The following TNRC6B variants were observed in gnomAD, a reference collection of about 807,000 sequenced individuals.
TNRC6B encodes the protein trinucleotide repeat-containing gene 6B protein.
Under a neutral mutation model 203.6 loss-of-function variants are expected in TNRC6B, and 52 were observed. The ratio of observed to expected loss-of-function variants is 0.26; its 90% CI spans 0.20 to 0.32. The LOEUF is 0.32. Ranked by LOEUF, TNRC6B falls within the 10% of genes least tolerant of loss-of-function variation. The pLI is 1.00. For synonymous variants in TNRC6B, 838 were observed against 845.7 expected (o/e 0.99, Z 0.16); for missense variants, 1,923 against 2,286.2 (o/e 0.84, Z 3.24).
rs367801567 is a variant in TNRC6B, at chr22:40,242,520, TC to T, written c.6-3492del. 6.4e-4 allele frequency among the ~76,000 whole-genome samples: 98 copies of T among 151,968 alleles called. 1 individual carries two copies. The East Asian group carries it at 0.016, about 25-fold the overall frequency. ...ATTTCGGCCCACCGCAACCTCCGCC[TC>T]CCAGGTTCAAGCGATTGTCCTGCCT... is the stretch of plus-strand genomic sequence containing the variant. On this transcript the variant is annotated intron_variant, in intron 1 of 22. Coordinates refer to ENST00000454349, the MANE Select transcript of TNRC6B (RefSeq NM_001162501.2).
intron 12 of TNRC6B, among the ~76,000 whole-genome samples, chr22:40,295,879 A>G (rs1175077527): frequency 1.3e-5 from 2 of 152,170 alleles, no homozygotes; most frequent in Non-Finnish European, 2.9e-5. Context: ...TGTTTTTTAT[A>G]TTAAGAAGAA....
chr22:40,233,300 C>T (rs1445176270), intron 1 of TNRC6B, among the ~76,000 whole-genome samples: 1 of 140,228 alleles, frequency 7.1e-6, no homozygotes, highest in East Asian at 2.1e-4. Context: ...CCAGCCTGGG[C>T]GACAAAGCAA....
chr22:40,204,679 C>T (rs1415005772), intron 1 of TNRC6B, among the ~76,000 whole-genome samples: 3 of 152,210 alleles, frequency 2.0e-5, no homozygotes, highest in Non-Finnish European at 2.9e-5. Flanking sequence ...CTCCTTGATG[C>T]TCTTCTGTGA....
chr22:40,294,691 A>G (rs745318189), intron 12 of TNRC6B, among the ~76,000 whole-genome samples: 1 of 152,250 alleles, frequency 6.6e-6, no homozygotes, highest in Non-Finnish European at 1.5e-5. Flanking sequence ...CATGGTTTCA[A>G]TAGCACAGAA....
intron 1 of TNRC6B, among the ~76,000 whole-genome samples, chr22:40,083,941 AG>A (rs1331313313): frequency 6.6e-6 from 1 of 152,148 alleles, no homozygotes; most frequent in Non-Finnish European, 1.5e-5. Context: ...AGGGGAGAGT[AG>A]GAGAGCCAGC....
At position 40,262,163 on chromosome 22, in the gene TNRC6B, G is replaced by T; in HGVS notation, c.447G>T (p.Gly149=). Residue 149 remains glycine (G), a synonymous_variant, in exon 4 of 23, where the codon GGG becomes GGT. Transcript: ENST00000454349. ...GAGCGCTGCTGCAGAGTGAGAGTGG[G>T]ACTGCGCCAGGTAAGGCACCCTGTG... is the stretch of plus-strand genomic sequence containing the variant. ...VTGALLQSES[G]TAPDSTLGGA... is the part of the protein sequence containing the mutation. The T allele has an allele frequency of 7.1e-7, 1 of 1,412,628 alleles. No individual in the cohort carries two copies. Among genetic ancestry groups the T allele is most frequent in the Non-Finnish European group, 9.4e-7 (1 of 1,064,974 alleles). The allele number at this position is 1,412,628 out of a possible 1,614,324, so 87.5% of individuals were successfully genotyped here.
intron 1 of TNRC6B, among the ~76,000 whole-genome samples, chr22:40,082,927 A>G (rs113995787): frequency 1.6e-3 from 250 of 152,342 alleles, no homozygotes; most frequent in African/African-American, 5.8e-3. Context: ...TAAGTCCGAG[A>G]TGCTTTGGGG....
intron 1 of TNRC6B, among the ~76,000 whole-genome samples, chr22:40,200,446 C>T (rs1402371341): frequency 6.6e-6 from 1 of 150,830 alleles, no homozygotes; most frequent in Non-Finnish European, 1.5e-5. Flanking sequence ...ACCCCCACGC[C>T]CAGCTAATTT....
chr22:40,287,119 C>A (rs557895112), intron 12 of TNRC6B, among the ~76,000 whole-genome samples: 3 of 152,212 alleles, frequency 2.0e-5, no homozygotes, highest in Admixed American at 2.0e-4. Context: ...AAGCAGTCCT[C>A]CCTCCTCAGC....
intron 1 of TNRC6B, among the ~76,000 whole-genome samples, chr22:40,093,351 A>G (rs1007493180): frequency 3.3e-5 from 5 of 152,272 alleles, no homozygotes; most frequent in Admixed American, 2.6e-4. Context: ...TTCATATAAC[A>G]TCTGATCAAA....
intron 1 of TNRC6B, among the ~76,000 whole-genome samples, chr22:40,085,727 A>C (rs2068094526): frequency 6.6e-6 from 1 of 152,200 alleles, no homozygotes; most frequent in African/African-American, 2.4e-5. Context: ...ATCTAATCTT[A>C]TTATGATGTT....
At chr22:40,311,980 C>T (rs2071190424) in intron 17 of TNRC6B, among the ~76,000 whole-genome samples, 1 of 152,246 alleles carries the variant, frequency 6.6e-6, no homozygotes, top group Non-Finnish European at 1.5e-5. Flanking sequence ...TAAAAAAATT[C>T]CGAGCCCTTA....
chr22:40,167,407 G>A (rs1204141810), intron 4 of TNRC6B, among the ~76,000 whole-genome samples: 1 of 152,070 alleles, frequency 6.6e-6, no homozygotes, highest in Non-Finnish European at 1.5e-5. Flanking sequence ...GTAGAATGGT[G>A]GTTGCCAGGG....
At chr22:40,075,154 A>ATTTTTTTTTTT (rs1181613595) in intron 1 of TNRC6B, among the ~76,000 whole-genome samples, 2 of 55,376 alleles carry the variant, frequency 3.6e-5, no homozygotes, top group African/African-American at 1.1e-4. Context: ...ATATATATAT[A>ATTTTTTTTTTT]TATTTTTTTT....
rs1470278581 is a variant in TNRC6B at position 40,261,920 on chromosome 22, C to G, written c.204C>G (p.Asn68Lys). 1 of 1,611,206 alleles carries G rather than the reference C, an allele frequency of 6.2e-7. No homozygotes were observed. Among genetic ancestry groups the G allele is most frequent in the East Asian group, 2.2e-5 (1 of 44,836 alleles). The change falls in exon 4 of 23, where the codon AAC (asparagine) becomes AAG (lysine). Residue 68 changes from asparagine (N) to lysine (K), a missense_variant. Physicochemically the swap from Asn to Lys is moderately conservative, Grantham distance 94. Transcript: ENST00000454349. ...CATCGCCACCAGTCAATGGTGGCAA[C>G]AATGCCAAAAGGGTGGCAGTGCCGA... ...SSPSPPVNGG[N>K]NAKRVAVPNG...
intron 21 of TNRC6B, among the ~76,000 whole-genome samples, chr22:40,319,349 A>G (rs188371148): frequency 6.6e-6 from 1 of 151,652 alleles, no homozygotes; most frequent in Admixed American, 6.6e-5. Context: ...ACCATAGTCA[A>G]AAAATATTAA....
Position 40,329,112 on chromosome 22 carries a change from G to A in TNRC6B, c.*5871G>A, listed in dbSNP as rs2071436913. ...TGGACAACTAAAGCCGCGTGATGAT[G>A]CGGATGAAAATATTCTGGTCTGTGT... On this transcript the variant is annotated 3_prime_UTR_variant, in exon 23 of 23. Transcript: ENST00000454349. 1 of 152,272 alleles carries A rather than the reference G, an allele frequency of 6.6e-6. No homozygotes were observed. The highest frequency in any genetic ancestry group is 1.5e-5 in the Non-Finnish European group (1 of 68,032). 9.4% of individuals were successfully genotyped at this position (152,272 alleles called of 1,614,324 possible).
At chr22:40,229,399 G>T (rs2069836313) in intron 1 of TNRC6B, among the ~76,000 whole-genome samples, 1 of 151,546 alleles carries the variant, frequency 6.6e-6, no homozygotes. Flanking sequence ...GTCATTCAGG[G>T]TTCTGCCAGG....
At chr22:40,135,296 C>A (rs1306194708) in intron 3 of TNRC6B, among the ~76,000 whole-genome samples, 3 of 152,172 alleles carry the variant, frequency 2.0e-5, no homozygotes, top group African/African-American at 7.2e-5. Flanking sequence ...CAGACCCCAC[C>A]TTTCAGTGGG....
Sources: allele counts gnomAD v4.1 joint callset (sites outside exome capture counted in the v4.1 genomes callset), GRCh38; gene constraint gnomAD v4.1.1; transcripts MANE v1.5; gene names NCBI Gene and HGNC (gene_info 2026-07-23, HGNC 2026-07-21).